The following NBEAL1 variants were observed in gnomAD, a reference collection of about 807,000 sequenced individuals.
NBEAL1 encodes the protein neurobeachin-like protein 1.
In NBEAL1, 273 loss-of-function variants were observed where a neutral mutation model predicts 351.3. That is an observed-to-expected ratio of 0.78 (90% CI 0.70 to 0.86). The LOEUF is 0.86. Among genes scored for constraint, NBEAL1 ranks in the 40% least tolerant of loss-of-function variants. NBEAL1 has a pLI of 0.00. For missense variants in NBEAL1, 2,961 were observed against 3,201.3 expected (o/e 0.92, Z 1.81); for synonymous variants, 1,050 against 1,086.4 (o/e 0.97, Z 0.66).
intron 35 of NBEAL1, 47 bp from the exon 36 acceptor site, chr2:203,157,652 T>G: frequency 7.0e-7 from 1 of 1,426,350 alleles, no homozygotes; most frequent in Non-Finnish European, 9.4e-7. Flanking sequence ...AAGGCTATAA[T>G]ATTGTTTTTT....
At position 203,138,230 on chromosome 2, in the gene NBEAL1, C is replaced by A; in HGVS notation, c.4634C>A (p.Ala1545Asp). The change falls in exon 30 of 56, where the codon GCT becomes GAT. Residue 1545 changes from alanine (A) to aspartate (D), a missense_variant. Physicochemically the swap from Ala to Asp is moderately radical, Grantham distance 126 (BLOSUM62 -2). Coordinates refer to ENST00000683969, the MANE Select transcript of NBEAL1 (RefSeq NM_001378026.1). ...NREAKTNPVT[A>D]ENAFRLVLII... ...GAAGCAAAAACTAATCCAGTAACTGCTGAAAACGCCTTCCGACTAGTGCTG... is the reference window on the plus strand; with the variant it reads ...GAAGCAAAAACTAATCCAGTAACTGATGAAAACGCCTTCCGACTAGTGCTG... 1.2e-6 allele frequency: 2 copies of A among 1,614,036 alleles called. No homozygotes were observed. The highest frequency in any genetic ancestry group is 1.7e-6 in the Non-Finnish European group (2 of 1,179,932).
intron 37 of NBEAL1, 83 bp from the exon 38 acceptor site, chr2:203,167,144 T>C: frequency 7.6e-7 from 1 of 1,316,798 alleles, no homozygotes; most frequent in South Asian, 1.5e-5. Flanking sequence ...CTAAAACCTT[T>C]TGTCAAGAAC....
At chr2:203,039,043 C>CT (rs1010497624) in intron 2 of NBEAL1, among the ~76,000 whole-genome samples, 4 of 147,970 alleles carry the variant, frequency 2.7e-5, no homozygotes, top group Non-Finnish European at 1.5e-5. Flanking sequence ...TACCAGTTAT[C>CT]TTTTTTTTCT....
chr2:203,180,300 T>G, intron 42 of NBEAL1, 82 bp from the exon 43 acceptor site: 1 of 1,313,902 alleles, frequency 7.6e-7, no homozygotes. Flanking sequence ...TTAGGAACCC[T>G]GAAGGGAGTT....
intron 2 of NBEAL1, among the ~76,000 whole-genome samples, chr2:203,017,271 T>G (rs1574850138): frequency 6.6e-6 from 1 of 152,312 alleles, no homozygotes; most frequent in East Asian, 1.9e-4. Flanking sequence ...GTATGTGTGG[T>G]GAAATTCTCA....
At chr2:203,151,400 TA>T in intron 34 of NBEAL1, 64 bp from the exon 35 acceptor site, 1 of 1,219,192 alleles carries the variant, frequency 8.2e-7, no homozygotes, top group Non-Finnish European at 1.1e-6. Flanking sequence ...TTACATTATT[TA>T]AATCAAACAA....
At chr2:203,139,747 AGTAGAGAC>A (rs2063320177) in intron 31 of NBEAL1, among the ~76,000 whole-genome samples, 1 of 150,980 alleles carries the variant, frequency 6.6e-6, no homozygotes, top group Non-Finnish European at 1.5e-5. Context: ...GTGTGTTTTT[AGTAGAGAC>A]GGAGTTTCAC....
chr2:203,114,942 A>G (rs1574989558), intron 17 of NBEAL1, among the ~76,000 whole-genome samples: 2 of 151,580 alleles, frequency 1.3e-5, no homozygotes, highest in Admixed American at 1.3e-4. Context: ...AGTAGAGACA[A>G]GGTTTCGCCA....
chr2:203,136,742 A>G lies in NBEAL1; in HGVS notation c.4533A>G (p.Glu1511=), dbSNP rs778364468. ...SALSKPGISS[E]LLRPSDEIKL... ...TAAGTAAACCAGGAATATCCAGTGA[A>G]CTACTTCGACCATCAGATGAAATAA... Residue 1511 remains glutamate, a synonymous_variant, in exon 29 of 56, where the codon GAA becomes GAG. Coordinates refer to ENST00000683969, the MANE Select transcript of NBEAL1 (RefSeq NM_001378026.1). The G allele has an allele frequency of 1.2e-6, 2 of 1,613,088 alleles. No homozygotes were observed. Among genetic ancestry groups the G allele is most frequent in the East Asian group, 2.2e-5 (1 of 44,822 alleles).
At chr2:203,171,020 A>C (rs549491875) in intron 39 of NBEAL1, among the ~76,000 whole-genome samples, 1 of 152,148 alleles carries the variant, frequency 6.6e-6, no homozygotes, top group Non-Finnish European at 1.5e-5. Flanking sequence ...TAATCCCAGC[A>C]CTAAGGCTGG....
intron 3 of NBEAL1, among the ~76,000 whole-genome samples, chr2:203,043,603 C>T (rs190338624): frequency 1.4e-4 from 21 of 151,930 alleles, no homozygotes; most frequent in Non-Finnish European, 2.8e-4. Context: ...GTGGTGTGCA[C>T]CTGTAGTCCC....
chr2:203,092,991 G>A (rs1482787583), intron 10 of NBEAL1, among the ~76,000 whole-genome samples: 1 of 152,068 alleles, frequency 6.6e-6, no homozygotes, highest in Non-Finnish European at 1.5e-5. Context: ...CCAGCACTTT[G>A]GGAGGCTGAG....
At chr2:203,201,406 C>A in intron 49 of NBEAL1, 137 bp from the exon 50 acceptor site, 1 of 572,724 alleles carries the variant, frequency 1.7e-6, no homozygotes, top group Non-Finnish European at 2.7e-6. Context: ...GAAAGTCTAT[C>A]GTTTATTAAT....
chr2:203,192,523 T>C (rs1302914042), intron 46 of NBEAL1, among the ~76,000 whole-genome samples: 1 of 151,982 alleles, frequency 6.6e-6, no homozygotes, highest in Non-Finnish European at 1.5e-5. Context: ...TAGCTGGGAT[T>C]ACAGAGGCCC....
intron 18 of NBEAL1, among the ~76,000 whole-genome samples, chr2:203,116,807 A>AAG (rs1559377772): frequency 1.4e-5 from 2 of 145,980 alleles, no homozygotes; most frequent in Non-Finnish European, 3.0e-5. Flanking sequence ...AAAAAAAAAA[A>AAG]GGGGGGGGCC....
At chr2:203,026,915 G>A (rs750976669) in intron 2 of NBEAL1, among the ~76,000 whole-genome samples, 6 of 152,176 alleles carry the variant, frequency 3.9e-5, no homozygotes, top group African/African-American at 1.2e-4. Context: ...TGTTAAAGAC[G>A]TACAGTAAAA....
At chr2:203,074,236 G>C (rs184218486) in intron 7 of NBEAL1, among the ~76,000 whole-genome samples, 4 of 150,582 alleles carry the variant, frequency 2.7e-5, no homozygotes, top group Non-Finnish European at 3.0e-5. Flanking sequence ...AATTAAAAAA[G>C]ATTACATTAA....
chr2:203,068,875 A>G (rs1038197752), intron 7 of NBEAL1, among the ~76,000 whole-genome samples: 1 of 152,110 alleles, frequency 6.6e-6, no homozygotes, highest in Admixed American at 6.5e-5. Context: ...AATTACAGGC[A>G]TGTGCCACCA....
chr2:203,184,206 A>G (rs193290789), intron 44 of NBEAL1, among the ~76,000 whole-genome samples: 2 of 152,176 alleles, frequency 1.3e-5, no homozygotes, highest in East Asian at 1.9e-4. Flanking sequence ...CAAGGCGGGC[A>G]GATCACCTGA....
Sources: gnomAD v4.1 joint callset for allele counts (sites outside exome capture counted in the v4.1 genomes callset) on GRCh38, gnomAD v4.1.1 for gene constraint, MANE v1.5 for transcripts, NCBI Gene and HGNC (gene_info 2026-07-23, HGNC 2026-07-21) for gene names.